Variants in MARCHF1 observed in about 807,000 individuals in gnomAD.
MARCHF1 encodes the protein E3 ubiquitin-protein ligase MARCHF1.
In MARCHF1, 40 loss-of-function variants were observed where a neutral mutation model predicts 54.2. That is an observed-to-expected ratio of 0.74 (90% CI 0.57 to 0.96). The LOEUF (loss-of-function observed/expected upper bound fraction) is 0.96. Among genes scored for constraint, MARCHF1 ranks in the 40% least tolerant of loss-of-function variants. The probability of loss-of-function intolerance (pLI) is 0.00; values close to 1 mark genes in which losing one functional copy is unlikely to be tolerated. For missense variants in MARCHF1, 586 were observed against 656.5 expected (o/e 0.89, Z 1.17); for synonymous variants, 236 against 236.3 (o/e 1.00, Z 0.01).
At chr4:164,382,758 G>A (rs1331221382) in intron 1 of MARCHF1, among the ~76,000 whole-genome samples, 1 of 152,154 alleles carries the variant, frequency 6.6e-6, no homozygotes, top group Non-Finnish European at 1.5e-5. Flanking sequence ...AAGCCAGGGG[G>A]TTGGGTGTTG....
At chr4:163,852,396 G>C (rs1436307852) in intron 4 of MARCHF1, among the ~76,000 whole-genome samples, 1 of 152,132 alleles carries the variant, frequency 6.6e-6, no homozygotes, top group Non-Finnish European at 1.5e-5. Flanking sequence ...CACAGAAGCA[G>C]TAATTTTTTC....
At chr4:163,894,982 A>ACG (rs1491269997) in intron 3 of MARCHF1, among the ~76,000 whole-genome samples, 436 of 41,248 alleles carry the variant, frequency 0.011, 151 homozygotes, top group African/African-American at 0.025. Flanking sequence ...TGATGCACAC[A>ACG]TATACATATA....
At chr4:163,581,718 T>C (rs1169560084) in intron 8 of MARCHF1, among the ~76,000 whole-genome samples, 2 of 152,216 alleles carry the variant, frequency 1.3e-5, no homozygotes, top group Non-Finnish European at 2.9e-5. Context: ...TAAATAATTA[T>C]AGTGGAAAAG....
At chr4:163,756,778 T>C (rs1333201823) in intron 4 of MARCHF1, among the ~76,000 whole-genome samples, 1 of 152,096 alleles carries the variant, frequency 6.6e-6, no homozygotes, top group Non-Finnish European at 1.5e-5. Context: ...TTCAGGTGTC[T>C]AGTATAAGCA....
chr4:164,231,692 T>C (rs1485976469), intron 1 of MARCHF1, among the ~76,000 whole-genome samples: 6 of 152,130 alleles, frequency 3.9e-5, no homozygotes, highest in Non-Finnish European at 8.8e-5. Context: ...TCCTATCTTT[T>C]GCTCTAGTCT....
At chr4:163,598,799 C>T (rs1740854309) in intron 7 of MARCHF1, among the ~76,000 whole-genome samples, 1 of 152,176 alleles carries the variant, frequency 6.6e-6, no homozygotes, top group African/African-American at 2.4e-5. Flanking sequence ...CTTGGATACA[C>T]TCAATTTATA....
chr4:164,253,741 C>T (rs974797339), intron 1 of MARCHF1, among the ~76,000 whole-genome samples: 1 of 152,056 alleles, frequency 6.6e-6, no homozygotes, highest in Admixed American at 6.6e-5. Flanking sequence ...TTTATAACTG[C>T]TTTATTTGTA....
chr4:163,906,595 A>G (rs776385875), intron 3 of MARCHF1, among the ~76,000 whole-genome samples: 1 of 151,994 alleles, frequency 6.6e-6, no homozygotes, highest in Non-Finnish European at 1.5e-5. Context: ...AATCTATGCC[A>G]TAAACCTATT....
At chr4:164,143,319 G>C (rs994512259) in intron 1 of MARCHF1, among the ~76,000 whole-genome samples, 1 of 145,430 alleles carries the variant, frequency 6.9e-6, no homozygotes, top group African/African-American at 2.6e-5. Flanking sequence ...GAAATACAGA[G>C]AACGCCACAA....
intron 2 of MARCHF1, among the ~76,000 whole-genome samples, chr4:164,056,576 G>A (rs1361049214): frequency 6.6e-6 from 1 of 152,100 alleles, no homozygotes; most frequent in Admixed American, 6.5e-5. Context: ...TCCTAAAAAT[G>A]TTAGTATTGT....
intron 1 of MARCHF1, among the ~76,000 whole-genome samples, chr4:164,261,484 C>T (rs1733462682): frequency 6.6e-6 from 1 of 152,132 alleles, no homozygotes; most frequent in South Asian, 2.1e-4. Context: ...TTTAAAGCTT[C>T]AATGGGCTTT....
Position 163,846,959 on chromosome 4 carries a change from T to A in MARCHF1, c.111+7062A>T, listed in dbSNP as rs1424430934. Among the ~76,000 whole-genome samples the A allele has an allele frequency of 2.0e-5, 3 of 152,110 alleles. No individual in the cohort carries two copies. In the East Asian group the frequency reaches 5.8e-4, roughly 29 times the overall value. On this transcript the variant is annotated intron_variant, in intron 4 of 9. Coordinates refer to ENST00000514618, the MANE Select transcript of MARCHF1 (RefSeq NM_001394959.1). ...AAGCCAGATTGTTTTCTGTATGATA[T>A]CCAGAGAATGGCAGTGTTTATGAAA...
At chr4:164,347,518 A>G (rs952761355) in intron 1 of MARCHF1, among the ~76,000 whole-genome samples, 8 of 151,940 alleles carry the variant, frequency 5.3e-5, no homozygotes, top group Admixed American at 1.3e-4. Flanking sequence ...ACCTATTTTT[A>G]TTTTCTTTTA....
chr4:163,648,624 A>C (rs1335993650), intron 5 of MARCHF1, among the ~76,000 whole-genome samples: 1 of 151,426 alleles, frequency 6.6e-6, no homozygotes, highest in African/African-American at 2.4e-5. Context: ...AAAAAAAAAA[A>C]AAAAACTAGA....
At chr4:163,831,278 G>C (rs1749017505) in intron 4 of MARCHF1, among the ~76,000 whole-genome samples, 2 of 152,124 alleles carry the variant, frequency 1.3e-5, no homozygotes, top group Admixed American at 1.3e-4. Flanking sequence ...TGCCAGGTTA[G>C]AACCAAGTCT....
chr4:163,764,365 T>TC (rs1746916451), intron 4 of MARCHF1, among the ~76,000 whole-genome samples: 1 of 152,022 alleles, frequency 6.6e-6, no homozygotes, highest in African/African-American at 2.4e-5. Context: ...TCCAGAAGCT[T>TC]GTTGAAGTAT....
chr4:163,626,875 G>A (rs531870273), intron 5 of MARCHF1, among the ~76,000 whole-genome samples: 1 of 152,180 alleles, frequency 6.6e-6, no homozygotes, highest in African/African-American at 2.4e-5. Flanking sequence ...TGCAGTGAGC[G>A]AGATCATGCC....
At chr4:164,051,037 T>G (rs1754354276) in intron 2 of MARCHF1, among the ~76,000 whole-genome samples, 1 of 152,200 alleles carries the variant, frequency 6.6e-6, no homozygotes, top group Non-Finnish European at 1.5e-5. Context: ...CTTCCTCCCT[T>G]GCCCTACTAT....
intron 1 of MARCHF1, among the ~76,000 whole-genome samples, chr4:164,149,685 G>C (rs992910305): frequency 1.3e-5 from 2 of 151,982 alleles, no homozygotes; most frequent in African/African-American, 2.4e-5. Flanking sequence ...TCCTGGTTTT[G>C]GTCAAGAATA....
Sources: allele counts gnomAD v4.1 joint callset (sites outside exome capture counted in the v4.1 genomes callset), GRCh38; gene constraint gnomAD v4.1.1; transcripts MANE v1.5; gene names NCBI Gene and HGNC (gene_info 2026-07-23, HGNC 2026-07-21).